SLC66A3: variants seen among roughly 807,000 people sequenced by gnomAD.
The protein encoded by SLC66A3 is solute carrier family 66 member 3.
SLC66A3 carries 23 observed loss-of-function variants against 25.5 expected under a neutral mutation model. The observed-to-expected ratio is 0.90, with a 90% CI of 0.65 to 1.28. The LOEUF is 1.28. Ranked by LOEUF, SLC66A3 falls within the 50% of genes most tolerant of loss-of-function variation. The pLI is 0.00. For missense variants in SLC66A3, 246 were observed against 262.1 expected (o/e 0.94, Z 0.42); for synonymous variants, 108 against 112.6 (o/e 0.96, Z 0.26).
At position 11,171,924 on chromosome 2, in the gene SLC66A3, G is replaced by C. The variant is rs774781463; in HGVS notation, c.355-1G>C. The C allele has an allele frequency of 4.3e-6, 7 of 1,613,524 alleles. No individual in the cohort carries two copies. The highest frequency in any genetic ancestry group is 1.7e-6 in the Non-Finnish European group (2 of 1,179,816). ...CTTTCTCACATTTTATCTGCAAACAGAATCTATGTACTTTCATCAGCGCGG... is the reference window on the plus strand; with the variant it reads ...CTTTCTCACATTTTATCTGCAAACACAATCTATGTACTTTCATCAGCGCGG... On this transcript the variant is annotated splice_acceptor_variant, in intron 4 of 6. Transcript: ENST00000295083. LOFTEE classifies it high-confidence loss of function.
chr2:11,155,749 G>C (rs1268958627), intron 1 of SLC66A3, 60 bp downstream of exon 1: 2 of 1,297,900 alleles, frequency 1.5e-6, no homozygotes, highest in African/African-American at 3.1e-5. Flanking sequence ...CCGGCTGGGA[G>C]CCCAGGAGAG....
intron 4 of SLC66A3, 82 bp downstream of exon 4, chr2:11,164,343 A>ATTTTTTTTTTTTTTTTTTT (rs1323751814): frequency 2.7e-5 from 3 of 112,614 alleles, no homozygotes; most frequent in South Asian, 4.1e-4. Context: ...ATATATATAT[A>ATTTTTTTTTTTTTTTTTTT]TATTTTTTTT....
intron 4 of SLC66A3, among the ~76,000 whole-genome samples, chr2:11,164,689 C>T (rs1662254536): frequency 6.6e-6 from 1 of 151,402 alleles, no homozygotes; most frequent in Non-Finnish European, 1.5e-5. Context: ...CTGCGGCCTT[C>T]CGCAGTGTTT....
intron 1 of SLC66A3, among the ~76,000 whole-genome samples, chr2:11,158,709 T>TA (rs1313104857): frequency 6.6e-6 from 1 of 150,866 alleles, no homozygotes; most frequent in Non-Finnish European, 1.5e-5. Context: ...TAGTCTCAGC[T>TA]ACTCGGGAGG....
chr2:11,164,077 C>T (rs1662218857), intron 3 of SLC66A3, 127 bp from the exon 4 acceptor site: 1 of 577,668 alleles, frequency 1.7e-6, no homozygotes, highest in African/African-American at 2.0e-5. Context: ...GTTCTGGTAG[C>T]ATGTCCTCCC....
chr2:11,163,138 T>C (rs2147987969), intron 3 of SLC66A3, among the ~76,000 whole-genome samples: 1 of 152,268 alleles, frequency 6.6e-6, no homozygotes, highest in Non-Finnish European at 1.5e-5. Context: ...CCCAGCTACT[T>C]GGGGAAAGTT....
rs147422637 is a variant in SLC66A3 at position 11,161,592 on chromosome 2, C to T, written c.296+898C>T. On this transcript the variant is annotated intron_variant, in intron 3 of 6. Coordinates refer to ENST00000295083, the MANE Select transcript of SLC66A3 (RefSeq NM_152391.5). ...GGAGTGCAGTGGCTGGATTAGAGCT[C>T]ACTGCAGCCTTGAACTTCTGGGGCC... Among the ~76,000 whole-genome samples the T allele has an allele frequency of 4.5e-3, 680 of 152,202 alleles. 6 individuals carry two copies. The highest frequency in any genetic ancestry group is 6.8e-3 in the Non-Finnish European group (462 of 67,998).
Position 11,159,811 on chromosome 2 carries a change from T to A in SLC66A3, c.144-655T>A, listed in dbSNP as rs1662047345. 2.6e-5 allele frequency among the ~76,000 whole-genome samples: 4 copies of A among 152,122 alleles called. No individual in the cohort carries two copies. In the South Asian group the frequency reaches 6.2e-4, roughly 24 times the overall value. On this transcript the variant is annotated intron_variant, in intron 1 of 6. Transcript: ENST00000295083. ...TGGGTGTGAGGGGGAGGCAGGAAGC[T>A]CTGCCTTTTCTTCTGAGAATGTGGG...
rs191371940 is a variant in SLC66A3, at chr2:11,169,118, G to A, written c.355-2807G>A. 1.0e-3 allele frequency among the ~76,000 whole-genome samples: 153 copies of A among 152,070 alleles called. 3 individuals are homozygous for A. In the East Asian group the frequency reaches 0.02, roughly 20 times the overall value. On this transcript the variant is annotated intron_variant, in intron 4 of 6. Transcript: ENST00000295083. ...AGTGATCCTCCTGCCTTGGCCTCCC[G>A]AAGTGCTGGGATTACAGGCTTGAGC... is the stretch of plus-strand genomic sequence containing the variant.
At chr2:11,158,423 G>A (rs1661984140) in intron 1 of SLC66A3, among the ~76,000 whole-genome samples, 1 of 152,216 alleles carries the variant, frequency 6.6e-6, no homozygotes, top group African/African-American at 2.4e-5. Flanking sequence ...AGCACTTTGG[G>A]AGGCCCAGGC....
chr2:11,166,796 GAGTC>G (rs1662360090), intron 4 of SLC66A3, among the ~76,000 whole-genome samples: 1 of 152,230 alleles, frequency 6.6e-6, no homozygotes, highest in Non-Finnish European at 1.5e-5. Context: ...TTGGGAGACT[GAGTC>G]AGGAGAATCG....
chr2:11,176,746 T>C (rs1223976453), intron 6 of SLC66A3, among the ~76,000 whole-genome samples: 1 of 148,206 alleles, frequency 6.7e-6, no homozygotes, highest in Non-Finnish European at 1.5e-5. Context: ...GCCGGGATGG[T>C]CTCGATCTCC....
intron 1 of SLC66A3, 140 bp downstream of exon 1, chr2:11,155,829 T>G: frequency 1.4e-6 from 1 of 703,964 alleles, no homozygotes; most frequent in Non-Finnish European, 2.0e-6. Flanking sequence ...GAGGGTGAAC[T>G]AGGGAGCCTA....
intron 6 of SLC66A3, among the ~76,000 whole-genome samples, chr2:11,176,872 GT>G (rs201456513): frequency 7.3e-6 from 1 of 136,868 alleles, no homozygotes; most frequent in Admixed American, 7.5e-5. Context: ...TCTTACATGT[GT>G]TTTTCAAACA....
chr2:11,156,824 A>AG (rs1197692040), intron 1 of SLC66A3, among the ~76,000 whole-genome samples: 1 of 152,144 alleles, frequency 6.6e-6, no homozygotes, highest in African/African-American at 2.4e-5. Context: ...AGAGGCACCC[A>AG]GGGGAGGTGG....
At chr2:11,160,297 A>G in intron 1 of SLC66A3, 169 bp from the exon 2 acceptor site, 1 of 644,014 alleles carries the variant, frequency 1.6e-6, no homozygotes, top group Non-Finnish European at 2.8e-6. Context: ...TGTACAGATG[A>G]TTCAACTGAA....
chr2:11,174,185 T>C (rs1193931152), intron 5 of SLC66A3, among the ~76,000 whole-genome samples: 1 of 152,146 alleles, frequency 6.6e-6, no homozygotes, highest in African/African-American at 2.4e-5. Context: ...CTCGAACTTC[T>C]GACCTCATGA....
chr2:11,163,256 C>T (rs1257347898), intron 3 of SLC66A3, among the ~76,000 whole-genome samples: 2 of 152,080 alleles, frequency 1.3e-5, no homozygotes, highest in African/African-American at 4.8e-5. Context: ...GGAGCTCCTA[C>T]TATTGGTCAA....
At chr2:11,168,800 A>G (rs1002757503) in intron 4 of SLC66A3, among the ~76,000 whole-genome samples, 1 of 151,806 alleles carries the variant, frequency 6.6e-6, no homozygotes, top group East Asian at 1.9e-4. Flanking sequence ...GCCTGACCAC[A>G]GGTTCTTGGT....
Sources: gnomAD v4.1 joint callset for allele counts (sites outside exome capture counted in the v4.1 genomes callset) on GRCh38, gnomAD v4.1.1 for gene constraint, MANE v1.5 for transcripts, NCBI Gene and HGNC (gene_info 2026-07-23, HGNC 2026-07-21) for gene names.